Variants in KIAA1217 observed in about 807,000 individuals in gnomAD.
KIAA1217 encodes KIAA1217, also known as sickle tail protein homolog.
In KIAA1217, 88 loss-of-function variants were observed where a neutral mutation model predicts 163.9. The observed-to-expected ratio is 0.54, with a 90% CI of 0.45 to 0.64. KIAA1217 has a LOEUF of 0.64. Among genes scored for constraint, KIAA1217 ranks in the 30% least tolerant of loss-of-function variants. The pLI, the probability that KIAA1217 is intolerant of heterozygous loss-of-function variation, is 0.00. For missense variants in KIAA1217, 2,372 were observed against 2,475.0 expected (o/e 0.96, Z 0.88); for synonymous variants, 903 against 923.1 (o/e 0.98, Z 0.39).
intron 2 of KIAA1217, among the ~76,000 whole-genome samples, chr10:24,027,180 C>G (rs1488544658): frequency 6.6e-6 from 1 of 152,010 alleles, no homozygotes; most frequent in East Asian, 1.9e-4. Flanking sequence ...GCCTTTGCCT[C>G]TCTGAACTAG....
rs548900857 is a variant in KIAA1217 at position 24,435,612 on chromosome 10, A to G, written c.752+2419A>G. ...CCTGTGCAAGGATTTTTATATTACA[A>G]TGAGTCACCATTTTCTAGAGCTTTT... is the stretch of plus-strand genomic sequence containing the variant. On this transcript the variant is annotated intron_variant, in intron 4 of 20. Coordinates refer to ENST00000376454, the MANE Select transcript of KIAA1217 (RefSeq NM_019590.5). Among the ~76,000 whole-genome samples the G allele has an allele frequency of 7.5e-4, 115 of 152,318 alleles. 1 individual carries two copies. In the South Asian group the frequency reaches 0.016, roughly 21 times the overall value.
At chr10:24,229,874 A>C (rs570489155) in intron 2 of KIAA1217, among the ~76,000 whole-genome samples, 1 of 152,270 alleles carries the variant, frequency 6.6e-6, no homozygotes, top group East Asian at 1.9e-4. Flanking sequence ...CAATTAAGAA[A>C]TCTAGTATAC....
At chr10:24,444,397 G>T (rs754290487) in intron 5 of KIAA1217, among the ~76,000 whole-genome samples, 29 of 152,274 alleles carry the variant, frequency 1.9e-4, no homozygotes, top group Middle Eastern at 6.8e-3. Flanking sequence ...TTTCGCTAAT[G>T]CTCTGTCAGA....
At chr10:23,763,233 G>C (rs11013703) in intron 1 of KIAA1217, among the ~76,000 whole-genome samples, 1 of 151,994 alleles carries the variant, frequency 6.6e-6, no homozygotes, top group Non-Finnish European at 1.5e-5. Flanking sequence ...AACTACCATT[G>C]GCATTCTTCA....
chr10:24,328,417 G>A (rs1377147887), intron 2 of KIAA1217, among the ~76,000 whole-genome samples: 1 of 151,932 alleles, frequency 6.6e-6, no homozygotes, highest in African/African-American at 2.4e-5. Context: ...TAACTGGGAG[G>A]CCTGATGGTT....
In KIAA1217 at chr10:24,196,603, C is replaced by G. The variant is rs182862889; in HGVS notation, c.-170-23023C>G. ...GGGCAAGGCTGACGTTCATATGCAG[C>G]CTTTTGACTCTCTCGCCCCCTAGTG... On this transcript the variant is annotated intron_variant, in intron 2 of 18. Transcript: ENST00000376462. Among the ~76,000 whole-genome samples, 541 of 152,282 alleles carry G rather than the reference C, an allele frequency of 3.6e-3. 4 individuals are homozygous for G. The highest frequency in any genetic ancestry group is 5.7e-3 in the Non-Finnish European group (390 of 68,018).
chr10:24,535,788 C>T (rs199997172), intron 16 of KIAA1217, among the ~76,000 whole-genome samples: 1 of 55,772 alleles, frequency 1.8e-5, no homozygotes, highest in Non-Finnish European at 5.3e-5. Context: ...AATAAATAAA[C>T]AAACAAACAA....
exon 1 of KIAA1217, chr10:23,694,987 C>T (rs1409900120): frequency 6.6e-6 from 1 of 152,210 alleles, no homozygotes; most frequent in Non-Finnish European, 1.5e-5. Context: ...GGGCGCGCAG[C>T]GCCCTGCGCA....
chr10:23,756,202 A>T (rs1833912818), intron 1 of KIAA1217, among the ~76,000 whole-genome samples: 1 of 151,318 alleles, frequency 6.6e-6, no homozygotes, highest in Admixed American at 6.6e-5. Flanking sequence ...AGCTCCAGTG[A>T]TCCTCCCACT....
At chr10:23,712,998 G>T (rs1837353417) in intron 1 of KIAA1217, among the ~76,000 whole-genome samples, 1 of 152,098 alleles carries the variant, frequency 6.6e-6, no homozygotes, top group Admixed American at 6.6e-5. Flanking sequence ...CAGGCATTTG[G>T]TTCAGTGTGG....
At position 24,440,969 on chromosome 10, in the gene KIAA1217, T is replaced by C. The variant is rs1464397958; in HGVS notation, c.846+2490T>C. Among the ~76,000 whole-genome samples the C allele has an allele frequency of 2.0e-5, 3 of 152,230 alleles. No homozygotes were observed. The East Asian group carries it at 5.8e-4, about 29-fold the overall frequency. On this transcript the variant is annotated intron_variant, in intron 5 of 20. Transcript: ENST00000376454. ...CAGGTTGGAATTCTTTTTCCTTTCT[T>C]GATGAATGTGGCTGCATTGCCATTA...
chr10:23,786,576 AC>A (rs1347828932), intron 1 of KIAA1217, among the ~76,000 whole-genome samples: 1 of 152,022 alleles, frequency 6.6e-6, no homozygotes, highest in Non-Finnish European at 1.5e-5. Flanking sequence ...GTGACATGTA[AC>A]TATCCTAACT....
At chr10:24,247,124 C>CTT (rs10648557) in intron 2 of KIAA1217, among the ~76,000 whole-genome samples, 4,902 of 138,214 alleles carry the variant, frequency 0.035, 277 homozygotes, top group African/African-American at 0.11. Context: ...ATTTTCTTTT[C>CTT]TTTTTTTTTT....
At chr10:23,869,577 A>C (rs1432343594) in intron 1 of KIAA1217, among the ~76,000 whole-genome samples, 1 of 152,084 alleles carries the variant, frequency 6.6e-6, no homozygotes, top group Non-Finnish European at 1.5e-5. Flanking sequence ...ATTTATTGCT[A>C]CTAGAAATAA....
At chr10:24,436,487 T>A (rs181406230) in intron 4 of KIAA1217, among the ~76,000 whole-genome samples, 17 of 147,664 alleles carry the variant, frequency 1.2e-4, no homozygotes, top group East Asian at 4.0e-4. Context: ...GGCTGGGCGC[T>A]GTGGCTCACG....
intron 2 of KIAA1217, among the ~76,000 whole-genome samples, chr10:24,223,309 CA>C (rs1209780567): frequency 2.6e-5 from 4 of 152,326 alleles, no homozygotes; most frequent in African/African-American, 9.6e-5. Flanking sequence ...GCATTGTAAA[CA>C]CCAGAGATCG....
At chr10:23,986,773 T>G (rs527659192) in intron 1 of KIAA1217, among the ~76,000 whole-genome samples, 1 of 152,216 alleles carries the variant, frequency 6.6e-6, no homozygotes, top group Non-Finnish European at 1.5e-5. Context: ...ATCTACAGAC[T>G]GTTGCCTACA....
At chr10:24,388,721 C>A (rs1016908655) in intron 3 of KIAA1217, among the ~76,000 whole-genome samples, 6 of 151,210 alleles carry the variant, frequency 4.0e-5, no homozygotes, top group African/African-American at 1.5e-4. Flanking sequence ...AAGAAAAAAT[C>A]AAACTCTTCA....
At chr10:23,798,325 T>G (rs1426700733) in intron 1 of KIAA1217, among the ~76,000 whole-genome samples, 1 of 152,156 alleles carries the variant, frequency 6.6e-6, no homozygotes, top group Non-Finnish European at 1.5e-5. Context: ...ATTATTTTTG[T>G]AAAAATGATC....
Sources: gnomAD v4.1 joint callset for allele counts (sites outside exome capture counted in the v4.1 genomes callset) on GRCh38, gnomAD v4.1.1 for gene constraint, MANE v1.5 for transcripts, NCBI Gene and HGNC (gene_info 2026-07-23, HGNC 2026-07-21) for gene names.